The following FLRT1 variants were observed in gnomAD, a reference collection of about 807,000 sequenced individuals.
FLRT1 encodes the protein fibronectin leucine rich transmembrane protein 1.
FLRT1 carries 14 observed loss-of-function variants against 30.9 expected under a neutral mutation model. That is an observed-to-expected ratio of 0.45 (90% CI 0.30 to 0.71). The LOEUF (loss-of-function observed/expected upper bound fraction) is 0.71. Among genes scored for constraint, FLRT1 ranks in the 30% least tolerant of loss-of-function variants. The pLI, the probability that FLRT1 is intolerant of heterozygous loss-of-function variation, is 0.08. For missense variants in FLRT1, 737 were observed against 949.2 expected (o/e 0.78, Z 2.94); for synonymous variants, 368 against 430.4 (o/e 0.85, Z 1.80).
Position 64,118,314 on chromosome 11 carries a change from C to T in FLRT1, c.*22C>T, listed in dbSNP as rs1380992093. ...ATGATGCCCGCCCACCCGGGCTGCC[C>T]CGCCTCAGCCCCAGCTGCCCTGGCG... On this transcript the variant is annotated 3_prime_UTR_variant, in exon 3 of 3. Coordinates refer to ENST00000682287, the MANE Select transcript of FLRT1 (RefSeq NM_013280.5). 1 of 1,530,892 alleles carries T rather than the reference C, an allele frequency of 6.5e-7. No individual in the cohort carries two copies. The highest frequency in any genetic ancestry group is 2.3e-5 in the East Asian group (1 of 43,908). The allele number at this position is 1,530,892 out of a possible 1,614,324, so 94.8% of individuals were successfully genotyped here.
chr11:64,046,122 C>T (rs982176291), intron 1 of FLRT1, among the ~76,000 whole-genome samples: 4 of 152,048 alleles, frequency 2.6e-5, no homozygotes, highest in Non-Finnish European at 5.9e-5. Flanking sequence ...AGGTTCTGAG[C>T]GGCAGGGGTA....
At chr11:64,057,663 G>A (rs1020950480) in intron 1 of FLRT1, among the ~76,000 whole-genome samples, 2 of 152,222 alleles carry the variant, frequency 1.3e-5, no homozygotes, top group Admixed American at 1.3e-4. Flanking sequence ...GGGGGCTACA[G>A]GGTCCCCAGG....
rs1945010725 is a variant in FLRT1 at position 64,117,472 on chromosome 11, C to T, written c.1205C>T (p.Ala402Val). 1 of 1,612,622 alleles carries T rather than the reference C, an allele frequency of 6.2e-7. No individual in the cohort carries two copies. Among genetic ancestry groups the T allele is most frequent in the Non-Finnish European group, 8.5e-7 (1 of 1,179,066 alleles). ...AKTTASNHAS[A>V]TTPQGSLFTL... ...ACCACGGCCAGCAACCACGCCTCTG[C>T]CACCACGCCCCAGGGTTCCCTGTTT... Residue 402 changes from alanine to valine, a missense_variant, in exon 3 of 3, where the codon GCC becomes GTC. Transcript: ENST00000682287.
rs1428081779 is a variant in FLRT1 at position 64,064,558 on chromosome 11, C to T, written c.-1038+28399C>T. Reference sequence around the variant, plus strand: ...TGGCATGGTCCTTGCCTGAGTCCTGCCTGCTGGCTGACACGGAGCTGGCTT... The same window carrying T: ...TGGCATGGTCCTTGCCTGAGTCCTGTCTGCTGGCTGACACGGAGCTGGCTT... On this transcript the variant is annotated intron_variant, in intron 1 of 2. Coordinates refer to ENST00000682287, the MANE Select transcript of FLRT1 (RefSeq NM_013280.5). This position sits in a 1 kb window ranked among gnomAD's most constrained non-coding sequence, Gnocchi z 4.5. Among the ~76,000 whole-genome samples, 2 of 152,060 alleles carry T rather than the reference C, an allele frequency of 1.3e-5. No individual in the cohort carries two copies. The highest frequency in any genetic ancestry group is 2.9e-5 in the Non-Finnish European group (2 of 67,978).
chr11:64,038,377 G>T (rs1264776436), intron 1 of FLRT1, among the ~76,000 whole-genome samples: 1 of 152,224 alleles, frequency 6.6e-6, no homozygotes, highest in East Asian at 1.9e-4. Flanking sequence ...TGTTCTGCGT[G>T]TGGGTGCAGG....
intron 1 of FLRT1, among the ~76,000 whole-genome samples, chr11:64,044,251 C>CT (rs34174027): frequency 0.012 from 1,746 of 140,424 alleles, 37 homozygotes; most frequent in African/African-American, 0.036. Context: ...CCCCCAACAA[C>CT]TTTTTTTTTT....
rs912297750 is a variant in FLRT1 at position 64,064,612 on chromosome 11, T to C, written c.-1038+28453T>C. ...TCCCTGGCCCTGTTAAAACCCAGAA[T>C]GTATCCTGACAGCATTGGAACAGGA... On this transcript the variant is annotated intron_variant, in intron 1 of 2. Transcript: ENST00000682287. The surrounding 1 kb of genome is among the most constrained non-coding windows in gnomAD (Gnocchi z 4.5). Among the ~76,000 whole-genome samples, 1 of 151,684 alleles carries C rather than the reference T, an allele frequency of 6.6e-6. No individual in the cohort carries two copies. The highest frequency in any genetic ancestry group is 1.9e-4 in the East Asian group (1 of 5,172).
At chr11:64,109,724 T>G (rs924965985) in intron 2 of FLRT1, among the ~76,000 whole-genome samples, 3 of 152,078 alleles carry the variant, frequency 2.0e-5, no homozygotes, top group Admixed American at 6.5e-5. Context: ...GATGGCCCCA[T>G]CCACCAGCTC....
intron 1 of FLRT1, among the ~76,000 whole-genome samples, chr11:64,078,596 G>T (rs1420137383): frequency 6.6e-6 from 1 of 152,188 alleles, no homozygotes; most frequent in Non-Finnish European, 1.5e-5. Context: ...CCCATGGGGG[G>T]TGGCCACAGG....
At position 64,064,143 on chromosome 11, in the gene FLRT1, A is replaced by G. The variant is rs1207717156; in HGVS notation, c.-1038+27984A>G. Reference sequence around the variant, plus strand: ...CTCGGTCTCTCCCACTCTCCCTTTCAGCATCTTCTCTCTCTTGTCTTCTGA... The same window carrying G: ...CTCGGTCTCTCCCACTCTCCCTTTCGGCATCTTCTCTCTCTTGTCTTCTGA... On this transcript the variant is annotated intron_variant, in intron 1 of 2. Coordinates refer to ENST00000682287, the MANE Select transcript of FLRT1 (RefSeq NM_013280.5). This position sits in a 1 kb window ranked among gnomAD's most constrained non-coding sequence, Gnocchi z 4.5. Among the ~76,000 whole-genome samples the G allele has an allele frequency of 6.6e-6, 1 of 152,134 alleles. No individual in the cohort carries two copies. Among genetic ancestry groups the G allele is most frequent in the Non-Finnish European group, 1.5e-5 (1 of 68,020 alleles).
chr11:64,115,224 A>T (rs922362077), intron 2 of FLRT1, among the ~76,000 whole-genome samples: 1 of 152,184 alleles, frequency 6.6e-6, no homozygotes, highest in Admixed American at 6.5e-5. Flanking sequence ...ATTTTTTACC[A>T]CTATGAACAG....
intron 1 of FLRT1, among the ~76,000 whole-genome samples, chr11:64,099,403 CAG>C (rs1432211038): frequency 6.6e-6 from 1 of 152,136 alleles, no homozygotes; most frequent in Non-Finnish European, 1.5e-5. Flanking sequence ...TGATTAGACT[CAG>C]AATATGTTTG....
At chr11:64,062,219 C>G (rs1180642876) in intron 1 of FLRT1, among the ~76,000 whole-genome samples, 2 of 152,100 alleles carry the variant, frequency 1.3e-5, no homozygotes, top group African/African-American at 4.8e-5. Flanking sequence ...GTTCCACCTC[C>G]CCTTTGCTTC....
chr11:64,068,315 C>A (rs1944043116), intron 1 of FLRT1, among the ~76,000 whole-genome samples: 1 of 152,234 alleles, frequency 6.6e-6, no homozygotes, highest in Non-Finnish European at 1.5e-5. Context: ...GCCTGTCCCA[C>A]TCTTCCGCCT....
chr11:64,069,205 G>C (rs1462723336), intron 1 of FLRT1, among the ~76,000 whole-genome samples: 1 of 152,218 alleles, frequency 6.6e-6, no homozygotes, highest in Admixed American at 6.5e-5. Flanking sequence ...CACTGCGCGC[G>C]GCCGGGGGCC....
intron 1 of FLRT1, among the ~76,000 whole-genome samples, chr11:64,056,997 C>T (rs1046148709): frequency 2.0e-5 from 3 of 152,214 alleles, no homozygotes; most frequent in Non-Finnish European, 4.4e-5. Context: ...TTCCTTTCAG[C>T]TTCTGCGCCC....
chr11:64,097,958 A>G (rs1046015961), intron 1 of FLRT1, among the ~76,000 whole-genome samples: 3 of 152,008 alleles, frequency 2.0e-5, no homozygotes, highest in Non-Finnish European at 2.9e-5. Context: ...CCCACTCAGC[A>G]CCCAGGCCTG....
chr11:64,072,648 T>C (rs1435903179), intron 1 of FLRT1, among the ~76,000 whole-genome samples: 2 of 152,168 alleles, frequency 1.3e-5, no homozygotes, highest in Non-Finnish European at 2.9e-5. Context: ...CTCGCCCCCA[T>C]GCCCTGGTTA....
rs570398763 is a variant in FLRT1, at chr11:64,090,668, C to G, written c.-1037-12526C>G. Among the ~76,000 whole-genome samples, 2 of 152,318 alleles carry G rather than the reference C, an allele frequency of 1.3e-5. No homozygotes were observed. The highest frequency in any genetic ancestry group is 4.8e-5 in the African/African-American group (2 of 41,570). ...CCCAGGCCTTGTCCCCAGCCACCAA[C>G]AGACCACTTCTCTGAGGCGGGGACG... On this transcript the variant is annotated intron_variant, in intron 1 of 2. Transcript: ENST00000682287. The surrounding 1 kb of genome is among the most constrained non-coding windows in gnomAD (Gnocchi z 4.7).
Sources: gnomAD v4.1 joint callset for allele counts (sites outside exome capture counted in the v4.1 genomes callset) on GRCh38, gnomAD v4.1.1 for gene constraint, Gnocchi (gnomAD v3.1) non-coding constraint, MANE v1.5 for transcripts, NCBI Gene and HGNC (gene_info 2026-07-23, HGNC 2026-07-21) for gene names.